The following RECQL5 variants were observed in gnomAD, a reference collection of about 807,000 sequenced individuals.
RECQL5 encodes the protein RecQ like helicase 5.
Under a neutral mutation model 103.4 loss-of-function variants are expected in RECQL5, and 88 were observed. The ratio of observed to expected loss-of-function variants is 0.85; its 90% CI spans 0.72 to 1.02. RECQL5 has a LOEUF of 1.02. Among genes scored for constraint, RECQL5 ranks in the 50% least tolerant of loss-of-function variants. The pLI, the probability that RECQL5 is intolerant of heterozygous loss-of-function variation, is 0.00. For missense variants in RECQL5, 1,232 were observed against 1,284.3 expected (o/e 0.96, Z 0.62); for synonymous variants, 552 against 507.9 (o/e 1.09, Z -1.17).
In RECQL5 at chr17:75,662,807, CG is replaced by C. The variant is rs2059717208; in HGVS notation, c.442del (p.Arg148AlafsTer44). The C allele has an allele frequency of 6.2e-7, 1 of 1,613,940 alleles. No homozygotes were observed. Among genetic ancestry groups the C allele is most frequent in the Admixed American group, 1.7e-5 (1 of 59,984 alleles). On this transcript the variant is annotated frameshift_variant, in exon 4 of 20. Transcript: ENST00000317905. LOFTEE classifies it high-confidence loss of function. ...FQPTLNSLVS[R>X]HLLSYLVVDE... ...CACCACCAAGTAAGACAGCAGGTGG[CG>C]GGACACCAGGGAGTTCAGGGTGGGC...
chr17:75,630,672 C>T lies in RECQL5; in HGVS notation c.1665G>A (p.Arg555=). Residue 555 remains arginine, a synonymous_variant, in exon 13 of 20, where the codon CGG becomes CGA. Transcript: ENST00000317905. The stretch of plus-strand genomic sequence containing the variant: ...TGCTGCTCAGCGCCTCCTCCAGAAG[C>T]CGCAGGCAGTGCTCCCGTGCCTGGC... The part of the protein sequence containing the change: ...LTVKAREHCL[R]LLEEALSSNR... 2 of 1,613,646 alleles carry T rather than the reference C, an allele frequency of 1.2e-6. No individual in the cohort carries two copies. The highest frequency in any genetic ancestry group is 1.7e-6 in the Non-Finnish European group (2 of 1,180,002).
chr17:75,661,934 G>C (rs1470628967), intron 4 of RECQL5, among the ~76,000 whole-genome samples: 2 of 152,218 alleles, frequency 1.3e-5, no homozygotes, highest in Non-Finnish European at 2.9e-5. Flanking sequence ...GCCAAGGTGG[G>C]GGGAATCACT....
At chr17:75,650,625 C>G (rs778399738) in intron 8 of RECQL5, 7 of 1,612,236 alleles carry the variant, frequency 4.3e-6, no homozygotes, top group Non-Finnish European at 5.9e-6. Flanking sequence ...TCCTGGGTGT[C>G]TCTCCTGCAG....
intron 8 of RECQL5, chr17:75,647,861 G>T (rs2059507862): frequency 3.2e-6 from 1 of 310,530 alleles, no homozygotes; most frequent in African/African-American, 2.2e-5. Flanking sequence ...CAGGTGGAAG[G>T]AGCTATGGCT....
Position 75,640,238 on chromosome 17 carries a change from G to A in RECQL5, c.1230-8570C>T, listed in dbSNP as rs139736596. The A allele has an allele frequency of 2.9e-4, 457 of 1,551,182 alleles. No homozygotes were observed. The African/African-American group carries it at 5.1e-3, about 17-fold the overall frequency. Reference sequence around the variant, plus strand: ...CGACTTCGTGCAGGAGATGCGCGCCGTGGGCGAGAGGCTGCTGCTCAAGCT... The same window carrying A: ...CGACTTCGTGCAGGAGATGCGCGCCATGGGCGAGAGGCTGCTGCTCAAGCT... On this transcript the variant is annotated intron_variant, in intron 8 of 19. Coordinates refer to ENST00000317905, the MANE Select transcript of RECQL5 (RefSeq NM_004259.7). This position sits in a 1 kb window ranked among gnomAD's most constrained non-coding sequence, Gnocchi z 4.6.
chr17:75,656,241 T>C (rs1008985943), intron 7 of RECQL5, among the ~76,000 whole-genome samples: 2 of 151,966 alleles, frequency 1.3e-5, no homozygotes, highest in African/African-American at 4.8e-5. Context: ...CACACCTGGC[T>C]AATTTTGCAT....
chr17:75,640,374 G>A lies in RECQL5; in HGVS notation c.1230-8706C>T, dbSNP rs757032046. ...CCCCATGGCTCTCCCTGGCATCTGGGAGAGACCACACCATGGTGCCAGCCA... is the reference window on the plus strand; with the variant it reads ...CCCCATGGCTCTCCCTGGCATCTGGAAGAGACCACACCATGGTGCCAGCCA... On this transcript the variant is annotated intron_variant, in intron 8 of 19. Coordinates refer to ENST00000317905, the MANE Select transcript of RECQL5 (RefSeq NM_004259.7). This position sits in a 1 kb window ranked among gnomAD's most constrained non-coding sequence, Gnocchi z 4.6. 80 of 1,495,848 alleles carry A rather than the reference G, an allele frequency of 5.3e-5. No homozygotes were observed. The highest frequency in any genetic ancestry group is 6.5e-5 in the Non-Finnish European group (73 of 1,116,880). 92.7% of individuals were successfully genotyped at this position (1,495,848 alleles called of 1,614,324 possible).
intron 8 of RECQL5, chr17:75,641,165 G>A (rs1443559819): frequency 6.4e-6 from 3 of 466,536 alleles, no homozygotes; most frequent in Admixed American, 6.9e-5. Context: ...GGGCTTCTTC[G>A]CCTACCTGCA....
intron 8 of RECQL5, chr17:75,638,636 GT>G (rs2059373412): frequency 6.6e-6 from 1 of 152,346 alleles, no homozygotes; most frequent in East Asian, 1.9e-4. Context: ...CCCAAAGCCA[GT>G]GAGACCCGTC....
intron 8 of RECQL5, chr17:75,634,114 A>G (rs2059273766): frequency 1.0e-6 from 1 of 985,550 alleles, no homozygotes; most frequent in African/African-American, 1.7e-5. Context: ...CCAGGGGAGC[A>G]GCGGCGCCCA....
intron 3 of RECQL5, 49 bp downstream of exon 3, chr17:75,665,002 C>A: frequency 6.7e-7 from 1 of 1,488,002 alleles, no homozygotes. Context: ...CCTCAAAAAA[C>A]CTTCCCCGAA....
chr17:75,631,008 G>GC lies in RECQL5; in HGVS notation c.1550dup (p.Lys518GlnfsTer13). 6.2e-7 allele frequency: 1 copy of GC among 1,613,800 alleles called. No homozygotes were observed. The highest frequency in any genetic ancestry group is 8.5e-7 in the Non-Finnish European group (1 of 1,179,956). On this transcript the variant is annotated frameshift_variant and splice_region_variant, in exon 11 of 20. Coordinates refer to ENST00000317905, the MANE Select transcript of RECQL5 (RefSeq NM_004259.7). LOFTEE classifies it high-confidence loss of function. ...CAAATTCTTCTATCTTGGGGTCTTT[G>GC]CCCTGGAGGACAACATGAAGGACCC...
rs1384673272 is a variant in RECQL5, at chr17:75,660,962, T to A, written c.979A>T (p.Asn327Tyr). ...ISFGMGVDKA[N>Y]VRFVAHWNIA... ...GCAAGAACCAAAGCTCACCTGACAT[T>A]GGCTTTATCCACTCCCATCCCAAAA... The change falls in exon 6 of 20, where the codon AAT becomes TAT. Residue 327 changes from asparagine to tyrosine, a missense_variant. Transcript: ENST00000317905. 3 of 1,611,846 alleles carry A rather than the reference T, an allele frequency of 1.9e-6. No individual in the cohort carries two copies. The highest frequency in any genetic ancestry group is 2.7e-5 in the African/African-American group (2 of 74,874).
At position 75,630,171 on chromosome 17, in the gene RECQL5, G is replaced by A. The variant is rs376909383; in HGVS notation, c.1812+13C>T. The A allele has an allele frequency of 2.6e-6, 4 of 1,537,790 alleles. No individual in the cohort carries two copies. The highest frequency in any genetic ancestry group is 1.8e-6 in the Non-Finnish European group (2 of 1,140,008). On this transcript the variant is annotated intron_variant, in intron 14 of 19. Coordinates refer to ENST00000317905, the MANE Select transcript of RECQL5 (RefSeq NM_004259.7). ...CCCTGCAACGACCCTGGGTCCGCCT[G>A]CACCAGGCCCACCTTCTTCAGCACG...
At chr17:75,647,008 T>C (rs901364195) in intron 8 of RECQL5, among the ~76,000 whole-genome samples, 1 of 152,164 alleles carries the variant, frequency 6.6e-6, no homozygotes, top group Non-Finnish European at 1.5e-5. Context: ...ACAGGGAGAC[T>C]CTATCATGAT....
In RECQL5 at chr17:75,627,096, A is replaced by G. The variant is rs1463924115; in HGVS notation, c.*326T>C. 1 of 491,710 alleles carries G rather than the reference A, an allele frequency of 2.0e-6. No individual in the cohort carries two copies. The highest frequency in any genetic ancestry group is 4.0e-6 in the Non-Finnish European group (1 of 251,138). 30.5% of individuals were successfully genotyped at this position (491,710 alleles called of 1,614,324 possible). A position where few individuals can be genotyped will look rare whatever the true frequency, so the allele number is the denominator to read the frequency against. On this transcript the variant is annotated 3_prime_UTR_variant, in exon 20 of 20. Transcript: ENST00000317905. ...GGACAGGTGGGCCTCATCCTGACTT[A>G]GAACTCGGGGAGGGGCCACTCTTCC...
chr17:75,635,208 G>C lies in RECQL5; in HGVS notation c.1230-3540C>G, dbSNP rs573660593. ...CAGCAGAGGCTGGGGGCTTCGGCTG[G>C]GGCTGGTGTCTGGGGAGACAAGCTC... On this transcript the variant is annotated intron_variant, in intron 8 of 19. Transcript: ENST00000317905. Among the ~76,000 whole-genome samples the C allele has an allele frequency of 1.8e-3, 276 of 152,332 alleles. 2 individuals carry two copies. The highest frequency in any genetic ancestry group is 2.2e-3 in the Admixed American group (34 of 15,310).
chr17:75,659,485 T>C (rs764480077), intron 6 of RECQL5, among the ~76,000 whole-genome samples: 3 of 152,196 alleles, frequency 2.0e-5, no homozygotes, highest in African/African-American at 7.2e-5. Flanking sequence ...GCTTCCCAAG[T>C]ATCCAGGACT....
intron 7 of RECQL5, among the ~76,000 whole-genome samples, chr17:75,654,571 CT>C (rs1271732926): frequency 2.0e-5 from 3 of 152,096 alleles, no homozygotes; most frequent in East Asian, 3.9e-4. Flanking sequence ...CTGAAGATGT[CT>C]TTTTTTTCCT....
Sources: allele counts gnomAD v4.1 joint callset (sites outside exome capture counted in the v4.1 genomes callset), GRCh38; gene constraint gnomAD v4.1.1; non-coding constraint Gnocchi (gnomAD v3.1); transcripts MANE v1.5; gene names NCBI Gene and HGNC (gene_info 2026-07-23, HGNC 2026-07-21).